The following KANK1 variants were observed in gnomAD, a reference collection of about 807,000 sequenced individuals.
KANK1 encodes KN motif and ankyrin repeat domain-containing protein 1.
Under a neutral mutation model 106.2 loss-of-function variants are expected in KANK1, and 109 were observed. That is an observed-to-expected ratio of 1.03 (90% CI 0.88 to 1.20). KANK1 has a LOEUF of 1.20. KANK1 is among the 50% of genes most tolerant of loss of function. The pLI is 0.00. For missense variants in KANK1, 2,399 were observed against 1,710.7 expected (o/e 1.40, Z -7.10); for synonymous variants, 873 against 652.2 (o/e 1.34, Z -5.16).
chr9:732,226 T>G, intron 5 of KANK1, 152 bp from the exon 6 acceptor site: 1 of 868,522 alleles, frequency 1.2e-6, no homozygotes, highest in Admixed American at 2.7e-5. Flanking sequence ...CACCAGGCAT[T>G]TAAATAGACC....
chr9:532,647 C>A (rs911092764), intron 1 of KANK1, among the ~76,000 whole-genome samples: 3 of 152,088 alleles, frequency 2.0e-5, no homozygotes, highest in Admixed American at 6.6e-5. Context: ...ATATGAAAGT[C>A]TTCACCAAGC....
At chr9:721,352 A>T (rs1829273304) in intron 3 of KANK1, among the ~76,000 whole-genome samples, 1 of 152,224 alleles carries the variant, frequency 6.6e-6, no homozygotes. Flanking sequence ...GGCTGGGCTC[A>T]AGAGGTTTGT....
intron 1 of KANK1, among the ~76,000 whole-genome samples, chr9:512,061 C>T (rs769212380): frequency 6.6e-6 from 1 of 152,118 alleles, no homozygotes; most frequent in African/African-American, 2.4e-5. Flanking sequence ...ATGCTGGGCT[C>T]AGCAATGACT....
chr9:471,639 A>C (rs2058023272), intron 2 of KANK1: 1 of 152,174 alleles, frequency 6.6e-6, no homozygotes, highest in African/African-American at 2.4e-5. Flanking sequence ...GCGGTGGCTC[A>C]CCCCTGCAAT....
intron 1 of KANK1, among the ~76,000 whole-genome samples, chr9:653,578 A>G (rs7851799): frequency 0.18 from 27,587 of 151,952 alleles, 2,755 homozygotes; most frequent in East Asian, 0.32. Context: ...GAACGATGCA[A>G]GTTTGCTGAA....
chr9:724,631 G>A (rs527391969), intron 3 of KANK1, among the ~76,000 whole-genome samples: 9 of 152,148 alleles, frequency 5.9e-5, no homozygotes, highest in South Asian at 2.1e-4. Flanking sequence ...GTAAAATCCC[G>A]TCTCTACTAA....
In KANK1 at chr9:711,698, C is replaced by T. The variant is rs2130922185; in HGVS notation, c.932C>T (p.Ala311Val). 1.2e-6 allele frequency: 2 copies of T among 1,614,242 alleles called. No individual in the cohort carries two copies. The highest frequency in any genetic ancestry group is 1.7e-6 in the Non-Finnish European group (2 of 1,180,044). ...TCACAGCTGAAAAACCAAAGGGCTG[C>T]ATCCCAGATCAATGTCTGTGGTGTG... ...LVSQLKNQRA[A>V]SQINVCGVRK... The change falls in exon 3 of 12, where the codon GCA (alanine) becomes GTA (valine). Residue 311 changes from alanine to valine, a missense_variant. Coordinates refer to ENST00000382297, the MANE Select transcript of KANK1 (RefSeq NM_015158.5).
chr9:472,225 C>T (rs2058034674), intron 2 of KANK1, among the ~76,000 whole-genome samples: 1 of 152,212 alleles, frequency 6.6e-6, no homozygotes, highest in African/African-American at 2.4e-5. Flanking sequence ...ACCAGTTTCC[C>T]TGACCTCCCC....
upstream of KANK1, among the ~76,000 whole-genome samples, chr9:503,158 C>A (rs1488103345): frequency 2.0e-5 from 3 of 152,046 alleles, no homozygotes; most frequent in Non-Finnish European, 4.4e-5. Flanking sequence ...TTTTAAAATG[C>A]AGGAGTCTTC....
chr9:534,137 T>A (rs933464454), intron 1 of KANK1, among the ~76,000 whole-genome samples: 9 of 152,242 alleles, frequency 5.9e-5, no homozygotes, highest in Non-Finnish European at 1.2e-4. Context: ...TATCTCGATT[T>A]GCTTGGAAAG....
At chr9:555,266 G>A (rs1257091898) in intron 1 of KANK1, among the ~76,000 whole-genome samples, 1 of 152,158 alleles carries the variant, frequency 6.6e-6, no homozygotes, top group African/African-American at 2.4e-5. Flanking sequence ...AGAGTCAAGG[G>A]TGATACGATG....
In KANK1 at chr9:700,077, G is replaced by A. The variant is rs190000762; in HGVS notation, c.38-10727G>A. 4.6e-5 allele frequency among the ~76,000 whole-genome samples: 7 copies of A among 152,340 alleles called. 1 individual carries two copies. Among genetic ancestry groups the A allele is most frequent in the Admixed American group, 3.9e-4 (6 of 15,302 alleles). ...GTAGGCAGTATAAACTCTGTGAGGA[G>A]AAGCATTTCAGGCTTCTTAGAAAAA... On this transcript the variant is annotated intron_variant, in intron 2 of 11. Transcript: ENST00000382297.
At chr9:625,258 C>A (rs913421499) in intron 1 of KANK1, among the ~76,000 whole-genome samples, 3 of 152,168 alleles carry the variant, frequency 2.0e-5, no homozygotes, top group Non-Finnish European at 4.4e-5. Context: ...TTTATAAGTC[C>A]TTATCAAGTA....
At chr9:707,043 G>C in intron 2 of KANK1, 3 of 985,496 alleles carry the variant, frequency 3.0e-6, no homozygotes, top group South Asian at 4.7e-5. Flanking sequence ...AGTGCGGCGG[G>C]GGTGGTGTCA....
chr9:708,944 A>C (rs1825116449), intron 2 of KANK1, among the ~76,000 whole-genome samples: 1 of 152,246 alleles, frequency 6.6e-6, no homozygotes, highest in South Asian at 2.1e-4. Flanking sequence ...AGCCCAGGTC[A>C]GCGACAAGGT....
chr9:605,300 C>CAAA (rs34315668), intron 1 of KANK1, among the ~76,000 whole-genome samples: 7 of 106,786 alleles, frequency 6.6e-5, no homozygotes, highest in African/African-American at 1.9e-4. Flanking sequence ...GACTCCGTCT[C>CAAA]AAAAAAAAAA....
intron 1 of KANK1, among the ~76,000 whole-genome samples, chr9:520,371 C>G (rs1172651295): frequency 6.6e-6 from 1 of 151,342 alleles, no homozygotes; most frequent in Non-Finnish European, 1.5e-5. Context: ...AAGGAAGTGA[C>G]CAGTTCATTC....
At chr9:679,543 C>T (rs4742229) in intron 2 of KANK1, among the ~76,000 whole-genome samples, 68,999 of 151,894 alleles carry the variant, frequency 0.45, 15,999 homozygotes, top group East Asian at 0.58. Flanking sequence ...GCCTCCCACG[C>T]AGCTGGGATT....
Position 744,477 on chromosome 9 carries a change from C to CATCTT in KANK1, c.3898-7_3898-3dup. ...GAAACCCAACATGGCTTGTTCTTTC[C>CATCTT]ATCTTATCTTAAGGATGGCAGCACT... is the stretch of plus-strand genomic sequence containing the variant. On this transcript the variant is annotated splice_polypyrimidine_tract_variant and intron_variant, in intron 10 of 11. Coordinates refer to ENST00000382297, the MANE Select transcript of KANK1 (RefSeq NM_015158.5). 1.2e-6 allele frequency: 2 copies of CATCTT among 1,608,118 alleles called. No individual in the cohort carries two copies. Among genetic ancestry groups the CATCTT allele is most frequent in the Non-Finnish European group, 1.7e-6 (2 of 1,175,624 alleles).
Sources: allele counts gnomAD v4.1 joint callset (sites outside exome capture counted in the v4.1 genomes callset), GRCh38; gene constraint gnomAD v4.1.1; transcripts MANE v1.5; gene names NCBI Gene and HGNC (gene_info 2026-07-23, HGNC 2026-07-21).